ITPRID1: variants seen among roughly 807,000 people sequenced by gnomAD.
ITPRID1 encodes protein ITPRID1.
In ITPRID1, 96 loss-of-function variants were observed where a neutral mutation model predicts 95.4. The observed-to-expected ratio is 1.01, with a 90% CI of 0.85 to 1.19. ITPRID1 has a LOEUF of 1.19. ITPRID1 is among the 50% of genes most tolerant of loss of function. ITPRID1 has a pLI of 0.00. For missense variants in ITPRID1, 1,339 were observed against 1,252.9 expected (o/e 1.07, Z -1.04); for synonymous variants, 510 against 453.6 (o/e 1.12, Z -1.58).
At chr7:31,602,959 A>C (rs932835656) in intron 10 of ITPRID1, among the ~76,000 whole-genome samples, 1 of 148,432 alleles carries the variant, frequency 6.7e-6, no homozygotes, top group Non-Finnish European at 1.5e-5. Context: ...TGTCAAGCAC[A>C]AACCTGTTTC....
intron 12 of ITPRID1, among the ~76,000 whole-genome samples, chr7:31,647,710 A>AGACGAT (rs1790611166): frequency 6.7e-6 from 1 of 149,668 alleles, no homozygotes; most frequent in African/African-American, 2.5e-5. Flanking sequence ...AGGAAGAAGA[A>AGACGAT]GACGATGACG....
At chr7:31,577,064 T>C (rs1785210337) in intron 8 of ITPRID1, among the ~76,000 whole-genome samples, 1 of 152,140 alleles carries the variant, frequency 6.6e-6, no homozygotes, top group Non-Finnish European at 1.5e-5. Flanking sequence ...ACTTAACAGG[T>C]TGATGAGCTG....
chr7:31,637,904 A>G (rs182201734), intron 10 of ITPRID1, among the ~76,000 whole-genome samples: 7 of 152,190 alleles, frequency 4.6e-5, no homozygotes, highest in African/African-American at 9.6e-5. Flanking sequence ...ATCTTGAATT[A>G]ATTTTTGTAT....
intron 1 of ITPRID1, among the ~76,000 whole-genome samples, chr7:31,535,910 G>A (rs1264370815): frequency 2.6e-5 from 4 of 151,842 alleles, no homozygotes; most frequent in African/African-American, 9.7e-5. Flanking sequence ...ATACTTTTAA[G>A]ATTTTTCTAT....
intron 5 of ITPRID1, among the ~76,000 whole-genome samples, chr7:31,567,454 A>C (rs576800033): frequency 1.9e-4 from 29 of 152,366 alleles, no homozygotes; most frequent in African/African-American, 7.0e-4. Context: ...AAGGGATAAG[A>C]AAAGTGACAA....
intron 10 of ITPRID1, among the ~76,000 whole-genome samples, chr7:31,584,419 T>G (rs762884415): frequency 6.6e-6 from 1 of 152,224 alleles, no homozygotes; most frequent in Non-Finnish European, 1.5e-5. Context: ...AGCATCTGTT[T>G]CCCATCTAAT....
chr7:31,599,662 T>TTCTTTCTC lies in ITPRID1; in HGVS notation c.1228+16474_1228+16475insTTCTCTCT, dbSNP rs1369270186. On this transcript the variant is annotated intron_variant, in intron 10 of 14. Transcript: ENST00000615280. ...CTTTCTTTCTTTTTCTTTCTTTCCT[T>TTCTTTCTC]TCTCTCTCTCTCTCTCTCTCTCTCT... 8.0e-4 allele frequency among the ~76,000 whole-genome samples: 25 copies of TTCTTTCTC among 31,426 alleles called. 1 individual carries two copies. The highest frequency in any genetic ancestry group is 1.1e-3 in the Non-Finnish European group (12 of 11,382). The allele number at this position is 31,426 out of a possible 152,430, so 20.6% of individuals were successfully genotyped here.
At chr7:31,527,995 A>G (rs751420360) in intron 1 of ITPRID1, among the ~76,000 whole-genome samples, 34 of 152,144 alleles carry the variant, frequency 2.2e-4, no homozygotes, top group Non-Finnish European at 3.8e-4. Flanking sequence ...ATATAACACA[A>G]CACATTAATT....
In ITPRID1 at chr7:31,642,703, C is replaced by G. The variant is rs769611128; in HGVS notation, c.1333C>G (p.Gln445Glu). 6.2e-7 allele frequency: 1 copy of G among 1,613,770 alleles called. No homozygotes were observed. Among genetic ancestry groups the G allele is most frequent in the Non-Finnish European group, 8.5e-7 (1 of 1,179,744 alleles). ...ACAGATGCCTTCCTTGCCAAACAGC[C>G]AGAGTCCTGCTGAGAATGGAGGTAG... ...PLQMPSLPNS[Q>E]SPAENGGRKP... Residue 445 changes from glutamine (Q) to glutamate (E), a missense_variant, in exon 12 of 15, where the codon CAG (glutamine) becomes GAG (glutamate). Physicochemically the swap from Gln to Glu is conservative, Grantham distance 29. Transcript: ENST00000615280.
At chr7:31,571,833 G>T (rs568917710) in intron 6 of ITPRID1, among the ~76,000 whole-genome samples, 1 of 152,174 alleles carries the variant, frequency 6.6e-6, no homozygotes, top group East Asian at 1.9e-4. Context: ...TATGCCATCT[G>T]TCAAAAGTGA....
chr7:31,548,740 C>T (rs763925530), intron 1 of ITPRID1, among the ~76,000 whole-genome samples: 1 of 152,086 alleles, frequency 6.6e-6, no homozygotes, highest in Non-Finnish European at 1.5e-5. Flanking sequence ...GTGCCAGCCT[C>T]TCAGGACTGG....
chr7:31,646,400 G>A (rs1009495924), intron 12 of ITPRID1, among the ~76,000 whole-genome samples: 1 of 152,140 alleles, frequency 6.6e-6, no homozygotes, highest in Non-Finnish European at 1.5e-5. Context: ...GAGCAGATTC[G>A]CAGGTAGAAG....
At chr7:31,657,934 T>G (rs536565673), downstream of ITPRID1, among the ~76,000 whole-genome samples, 59 of 152,350 alleles carry the variant, frequency 3.9e-4, 1 homozygote, top group East Asian at 1.2e-3. Flanking sequence ...ACGTGGCCTC[T>G]TCTACATTAA....
At position 31,643,027 on chromosome 7, in the gene ITPRID1, G is replaced by A; in HGVS notation, c.1657G>A (p.Val553Ile). ...GCCAATGCCCCATGCTGAGTATGAGGTCACCAGACCCACAGCCACTTCCAA... is the reference window on the plus strand; with the variant it reads ...GCCAATGCCCCATGCTGAGTATGAGATCACCAGACCCACAGCCACTTCCAA... ...LLPMPHAEYE[V>I]TRPTATSKYD... The change falls in exon 12 of 15, where the codon GTC becomes ATC. Residue 553 changes from valine (V) to isoleucine (I), a missense_variant. By Grantham distance (29) the Val-to-Ile change is conservative. Transcript: ENST00000615280. The A allele has an allele frequency of 1.2e-6, 2 of 1,613,984 alleles. No homozygotes were observed. Among genetic ancestry groups the A allele is most frequent in the Non-Finnish European group, 8.5e-7 (1 of 1,179,876 alleles).
At chr7:31,583,852 C>T (rs989661061) in intron 10 of ITPRID1, among the ~76,000 whole-genome samples, 1 of 152,132 alleles carries the variant, frequency 6.6e-6, no homozygotes, top group Non-Finnish European at 1.5e-5. Context: ...CTTCATAGTG[C>T]ACATGCTGTT....
chr7:31,571,641 GGA>G, intron 6 of ITPRID1, among the ~76,000 whole-genome samples: 1 of 152,178 alleles, frequency 6.6e-6, no homozygotes, highest in African/African-American at 2.4e-5. Flanking sequence ...GATGGCTACA[GGA>G]GCCCTGGAGA....
chr7:31,648,178 A>G (rs1043020334), intron 12 of ITPRID1, among the ~76,000 whole-genome samples: 13 of 152,208 alleles, frequency 8.5e-5, no homozygotes, highest in African/African-American at 2.9e-4. Flanking sequence ...AATAAGAAAA[A>G]GTAATATGAG....
chr7:31,607,029 T>C (rs989469823), intron 10 of ITPRID1, among the ~76,000 whole-genome samples: 10 of 152,168 alleles, frequency 6.6e-5, no homozygotes, highest in South Asian at 2.1e-4. Context: ...TCTTTGCCTT[T>C]TTCTTGAGTT....
intron 10 of ITPRID1, among the ~76,000 whole-genome samples, chr7:31,605,137 C>CAAA (rs11462101): frequency 2.7e-5 from 4 of 146,500 alleles, no homozygotes; most frequent in Non-Finnish European, 4.5e-5. Context: ...GACCCCATCT[C>CAAA]AAAAAAAAAA....
Sources: allele counts gnomAD v4.1 joint callset (sites outside exome capture counted in the v4.1 genomes callset), GRCh38; gene constraint gnomAD v4.1.1; transcripts MANE v1.5; gene names NCBI Gene and HGNC (gene_info 2026-07-23, HGNC 2026-07-21).